Variants in ELAVL2 observed in about 807,000 individuals in gnomAD.
ELAVL2 encodes ELAV-like protein 2.
Under a neutral mutation model 34.6 loss-of-function variants are expected in ELAVL2, and 4 were observed. That is an observed-to-expected ratio of 0.12 (90% CI 0.06 to 0.26). The LOEUF is 0.26. Among genes scored for constraint, ELAVL2 ranks in the 10% least tolerant of loss-of-function variants. The pLI, the probability that ELAVL2 is intolerant of heterozygous loss-of-function variation, is 1.00. For missense variants in ELAVL2, 432 were observed against 442.8 expected, an observed-to-expected ratio of 0.98 and a Z score of 0.22; for synonymous variants, 193 against 154.8, an observed-to-expected ratio of 1.25 and a Z score of -1.83.
chr9:23,849,132 G>A, the ELAVL2 span, among the ~76,000 whole-genome samples: 1 of 152,080 alleles, frequency 6.6e-6, no homozygotes. Flanking sequence ...TGAGAAAAAG[G>A]GGCAAAACCC....
intron 3 of ELAVL2, among the ~76,000 whole-genome samples, chr9:23,722,271 C>T (rs2043926701): frequency 6.6e-6 from 1 of 152,170 alleles, no homozygotes; most frequent in African/African-American, 2.4e-5. Flanking sequence ...CTTACATGAA[C>T]CTACCAGAAA....
At chr9:23,738,812 T>A (rs2048479941) in intron 2 of ELAVL2, among the ~76,000 whole-genome samples, 1 of 152,212 alleles carries the variant, frequency 6.6e-6, no homozygotes, top group Non-Finnish European at 1.5e-5. Context: ...GAGCGGTTAA[T>A]GTCCTCAGCA....
intron 1 of ELAVL2, among the ~76,000 whole-genome samples, chr9:23,786,802 A>AAAAAAAAAAAAAAACAAAAAAAAAAC (rs1554747169): frequency 7.9e-6 from 1 of 127,334 alleles, no homozygotes; most frequent in Non-Finnish European, 1.6e-5. Context: ...AAAAAAAAAA[A>AAAAAAAAAAAAAAACAAAAAAAAAAC]AGAGAGAGAG....
chr9:23,817,118 A>G lies in ELAVL2; in HGVS notation c.-16+8688T>C, dbSNP rs1432745620. 4.6e-5 allele frequency among the ~76,000 whole-genome samples: 7 copies of G among 151,872 alleles called. No individual in the cohort carries two copies. The East Asian group carries it at 1.2e-3, about 25-fold the overall frequency. On this transcript the variant is annotated intron_variant, in intron 1 of 6. Coordinates refer to ENST00000397312, the MANE Select transcript of ELAVL2 (RefSeq NM_004432.5). ...TAATTTTAAATTTGTCAAGTTTTTT[A>G]AAATACATTTTTAAAAGTGGGAAAG...
chr9:23,824,355 G>T (rs1366352057), intron 1 of ELAVL2, among the ~76,000 whole-genome samples: 1 of 152,166 alleles, frequency 6.6e-6, no homozygotes, highest in East Asian at 1.9e-4. Flanking sequence ...GTCCGCCGCG[G>T]AGCTCCAGTG....
the ELAVL2 span, among the ~76,000 whole-genome samples, chr9:23,835,392 C>T: frequency 1.3e-5 from 2 of 152,080 alleles, no homozygotes; most frequent in African/African-American, 4.8e-5. Flanking sequence ...TTCCAATCTA[C>T]TTATCACTCA....
chr9:23,805,791 C>A (rs1018644122), intron 1 of ELAVL2, among the ~76,000 whole-genome samples: 1 of 152,188 alleles, frequency 6.6e-6, no homozygotes, highest in Non-Finnish European at 1.5e-5. Context: ...CAGTGGTCAT[C>A]CATGGAGACC....
chr9:23,701,260 T>TA, intron 5 of ELAVL2, 119 bp downstream of exon 5: 3 of 1,091,884 alleles, frequency 2.7e-6, no homozygotes, highest in Non-Finnish European at 4.0e-6. Context: ...TTAATAGTAA[T>TA]AAAACCAACA....
chr9:23,781,516 T>TC (rs1255397595), intron 1 of ELAVL2, among the ~76,000 whole-genome samples: 4 of 145,472 alleles, frequency 2.7e-5, no homozygotes, highest in African/African-American at 1.0e-4. Context: ...TTTTTTTCTT[T>TC]CCTTTTTTTT....
At chr9:23,705,116 C>T (rs1488604697) in intron 3 of ELAVL2, 45 bp from the exon 4 acceptor site, 1 of 1,606,228 alleles carries the variant, frequency 6.2e-7, no homozygotes, top group Non-Finnish European at 8.5e-7. Flanking sequence ...TGCTCACTCA[C>T]CCACCTCCCT....
At chr9:23,816,818 C>T (rs1206108685) in intron 1 of ELAVL2, among the ~76,000 whole-genome samples, 1 of 152,124 alleles carries the variant, frequency 6.6e-6, no homozygotes, top group African/African-American at 2.4e-5. Context: ...CCAACTATAA[C>T]ATAAATGTTC....
upstream of ELAVL2, among the ~76,000 whole-genome samples, chr9:23,829,483 A>C (rs2065430613): frequency 6.6e-6 from 1 of 152,232 alleles, no homozygotes; most frequent in East Asian, 1.9e-4. Flanking sequence ...ATTAGTTTAC[A>C]ATGTTTGGCT....
chr9:23,721,452 A>G (rs899713788), intron 3 of ELAVL2, among the ~76,000 whole-genome samples: 1 of 152,186 alleles, frequency 6.6e-6, no homozygotes, highest in Admixed American at 6.5e-5. Flanking sequence ...TGCTTGTTCT[A>G]TTTTTCCTTG....
intron 5 of ELAVL2, among the ~76,000 whole-genome samples, chr9:23,694,552 G>C (rs1250034583): frequency 6.6e-6 from 1 of 152,172 alleles, no homozygotes; most frequent in African/African-American, 2.4e-5. Flanking sequence ...CTGGGGGTGG[G>C]GGTGAGAATT....
the ELAVL2 span, among the ~76,000 whole-genome samples, chr9:23,842,286 C>A: frequency 6.6e-6 from 1 of 152,030 alleles, no homozygotes; most frequent in Non-Finnish European, 1.5e-5. Context: ...GTTCAAGGAC[C>A]CTCTCTGCCA....
intron 1 of ELAVL2, chr9:23,779,346 A>G (rs1203364342): frequency 1.0e-6 from 1 of 985,356 alleles, no homozygotes; most frequent in Non-Finnish European, 1.2e-6. Flanking sequence ...CAGGGCCTGC[A>G]GAAAGTCTTC....
chr9:23,744,022 C>A (rs566061649), intron 2 of ELAVL2, among the ~76,000 whole-genome samples: 1 of 152,146 alleles, frequency 6.6e-6, no homozygotes, highest in African/African-American at 2.4e-5. Flanking sequence ...AAGGCTAAGA[C>A]AAGTGGATCA....
At chr9:23,737,789 G>C (rs1324502687) in intron 2 of ELAVL2, among the ~76,000 whole-genome samples, 1 of 152,164 alleles carries the variant, frequency 6.6e-6, no homozygotes, top group Admixed American at 6.5e-5. Context: ...AGCAGAAACA[G>C]GTCACTATGG....
At chr9:23,777,332 A>G (rs2058369280) in intron 1 of ELAVL2, among the ~76,000 whole-genome samples, 1 of 152,170 alleles carries the variant, frequency 6.6e-6, no homozygotes, top group African/African-American at 2.4e-5. Flanking sequence ...TCTTCTGTGA[A>G]GAGTGTAGAT....
Sources: allele counts gnomAD v4.1 joint callset (sites outside exome capture counted in the v4.1 genomes callset), GRCh38; gene constraint gnomAD v4.1.1; transcripts MANE v1.5; gene names NCBI Gene and HGNC (gene_info 2026-07-23, HGNC 2026-07-21).